LINGO3: variants seen among roughly 807,000 people sequenced by gnomAD.
The protein encoded by LINGO3 is leucine rich repeat and Ig domain containing 3, also known as leucine-rich repeat and immunoglobulin-like domain-containing nogo receptor-interacting protein 3.
For missense variants in LINGO3, 750 were observed against 867.7 expected, an observed-to-expected ratio of 0.86 and a Z score of 1.70; for synonymous variants, 427 against 444.2, an observed-to-expected ratio of 0.96 and a Z score of 0.49.
the LINGO3 span, among the ~76,000 whole-genome samples, chr19:2,297,228 A>G: frequency 2.0e-5 from 3 of 151,346 alleles, no homozygotes; most frequent in Admixed American, 6.6e-5. Flanking sequence ...ATACTGCAAA[A>G]GCTCTTTCCT....
At chr19:2,289,961 C>G in exon 1 of LINGO3, 1 of 1,451,532 alleles carries the variant, frequency 6.9e-7, no homozygotes, top group Non-Finnish European at 9.2e-7. Context: ...GGCCGGCCCG[C>G]GGGGGAGGGG....
rs2025516549 is a variant in LINGO3, at chr19:2,291,195, C to T, written c.582G>A (p.Leu194=). The T allele has an allele frequency of 1.9e-6, 3 of 1,609,180 alleles. No homozygotes were observed. The South Asian group carries it at 3.3e-5, about 18-fold the overall frequency. The change falls in exon 1 of 1, where the codon CTG becomes CTA. Residue 194 remains leucine (L), a synonymous_variant. Coordinates refer to ENST00000585527, the Ensembl canonical transcript of LINGO3. ...GGGCGCCCAGGCTGCGCAGATGGCC[C>T]AGCGACTCCCCGGACAGAGCCGTGA...
At chr19:2,303,210 T>C in the LINGO3 span, among the ~76,000 whole-genome samples, 1 of 152,196 alleles carries the variant, frequency 6.6e-6, no homozygotes, top group East Asian at 1.9e-4. Flanking sequence ...CTCGCATCAA[T>C]GCAATCGGAC....
chr19:2,296,440 G>A (rs892663301), upstream of LINGO3, among the ~76,000 whole-genome samples: 7 of 152,024 alleles, frequency 4.6e-5, no homozygotes, highest in African/African-American at 1.2e-4. Flanking sequence ...AGATCGCGCC[G>A]CTGCACTCTA....
chr19:2,304,989 G>A, the LINGO3 span, among the ~76,000 whole-genome samples: 5 of 152,044 alleles, frequency 3.3e-5, no homozygotes, highest in Admixed American at 2.0e-4. Context: ...GACTACAAGC[G>A]TGAGCCACCA....
upstream of LINGO3, among the ~76,000 whole-genome samples, chr19:2,294,057 A>G (rs546726711): frequency 6.6e-6 from 1 of 152,232 alleles, no homozygotes; most frequent in African/African-American, 2.4e-5. This position sits in a 1 kb window ranked among gnomAD's most constrained non-coding sequence, Gnocchi z 4.3. Flanking sequence ...CTCAAGGGAA[A>G]AAAAAAGGTA....
At chr19:2,291,232 T>G in exon 1 of LINGO3, 1 of 1,611,526 alleles carries the variant, frequency 6.2e-7, no homozygotes, top group Non-Finnish European at 8.5e-7. Context: ...GTTGCAGCGC[T>G]CCAGGGTCAG....
chr19:2,291,732 C>T, exon 1 of LINGO3: 3 of 1,348,070 alleles, frequency 2.2e-6, no homozygotes, highest in Non-Finnish European at 2.8e-6. Context: ...GCGCCGCGGG[C>T]AGCAGGAGCA....
upstream of LINGO3, among the ~76,000 whole-genome samples, chr19:2,296,239 C>G (rs117758606): frequency 8.2e-3 from 1,250 of 152,294 alleles, 15 homozygotes; most frequent in East Asian, 0.059. Flanking sequence ...GCACCTCCCC[C>G]CTTACTGTCC....
chr19:2,290,324 C>A lies in LINGO3; in HGVS notation c.1453G>T (p.Ala485Ser). The change falls in exon 1 of 1, where the codon GCG (alanine) becomes TCG (serine). Residue 485 changes from alanine (A) to serine (S), a missense_variant. Ala to Ser is a moderately conservative substitution (Grantham distance 99). Coordinates refer to ENST00000585527, the Ensembl canonical transcript of LINGO3. This position sits in a 1 kb window ranked among gnomAD's most constrained non-coding sequence, Gnocchi z 6.0. ...GCGAAGTAGGTGTCGTTGCCGCCCG[C>A]GTTGCTGGCCACGCACGTGTAGGTG... 1 of 1,554,266 alleles carries A rather than the reference C, an allele frequency of 6.4e-7. No individual in the cohort carries two copies. Among genetic ancestry groups the A allele is most frequent in the Non-Finnish European group, 8.6e-7 (1 of 1,156,904 alleles).
chr19:2,301,637 C>T, the LINGO3 span, among the ~76,000 whole-genome samples: 24 of 152,142 alleles, frequency 1.6e-4, no homozygotes, highest in South Asian at 1.7e-3. Flanking sequence ...AGGTACAAGA[C>T]GCGACCCCGG....
exon 1 of LINGO3, chr19:2,291,778 G>T: frequency 7.1e-7 from 1 of 1,413,432 alleles, no homozygotes; most frequent in Non-Finnish European, 9.2e-7. Flanking sequence ...GCAGGTCATG[G>T]TGCGGAGCGT....
At chr19:2,287,462 G>A (rs147922011), downstream of LINGO3, among the ~76,000 whole-genome samples, 655 of 152,306 alleles carry the variant, frequency 4.3e-3, 5 homozygotes, top group African/African-American at 0.015. The surrounding 1 kb of genome is among the most constrained non-coding windows in gnomAD (Gnocchi z 4.5). Context: ...CAGGGGTGGC[G>A]GTTGGGGTTG....
At chr19:2,299,723 CTTTTTTT>C in the LINGO3 span, among the ~76,000 whole-genome samples, 3 of 81,632 alleles carry the variant, frequency 3.7e-5, no homozygotes, top group African/African-American at 5.0e-5. Context: ...TGTGCCCTGC[CTTTTTTT>C]TTTTTTTTTT....
At chr19:2,291,173 C>G (rs1179896308) in exon 1 of LINGO3, 2 of 1,607,458 alleles carry the variant, frequency 1.2e-6, no homozygotes, top group Non-Finnish European at 1.7e-6. Context: ...AGCCGCAGGG[C>G]GCCCAGGCTG....
chr19:2,298,988 C>T, the LINGO3 span, among the ~76,000 whole-genome samples: 44 of 152,154 alleles, frequency 2.9e-4, no homozygotes, highest in Admixed American at 2.7e-3. Context: ...AATTCGGATG[C>T]GCTGTGTGAC....
the LINGO3 span, among the ~76,000 whole-genome samples, chr19:2,306,917 G>T: frequency 5.9e-5 from 9 of 152,070 alleles, no homozygotes; most frequent in African/African-American, 1.4e-4. Context: ...AGGCCATGCC[G>T]CGGCAGCCCA....
Position 2,290,478 on chromosome 19 carries a change from G to T in LINGO3, c.1299C>A (p.Gly433=). Residue 433 remains glycine, a synonymous_variant, in exon 1 of 1, where the codon GGC becomes GGA. Transcript: ENST00000585527. The surrounding 1 kb of genome is among the most constrained non-coding windows in gnomAD (Gnocchi z 6.0). ...CCCAGGCCACGGTGGGCGCCGGCTC[G>T]CCCTCGGCGCGGCAGAGGAAGCGGA... The T allele has an allele frequency of 6.8e-7, 1 of 1,465,422 alleles. No individual in the cohort carries two copies. Among genetic ancestry groups the T allele is most frequent in the Non-Finnish European group, 9.0e-7 (1 of 1,114,666 alleles). The allele number at this position is 1,465,422 out of a possible 1,614,324, so 90.8% of individuals were successfully genotyped here. A position where few individuals can be genotyped will look rare whatever the true frequency, so the allele number is the denominator to read the frequency against.
rs2025509610 is a variant in LINGO3 at position 2,290,669 on chromosome 19, G to A, written c.1108C>T (p.Leu370Phe). 1.2e-6 allele frequency: 2 copies of A among 1,607,618 alleles called. No homozygotes were observed. The highest frequency in any genetic ancestry group is 1.7e-6 in the Non-Finnish European group (2 of 1,178,044). The change falls in exon 1 of 1, where the codon CTC becomes TTC. Residue 370 changes from leucine to phenylalanine, a missense_variant. Leu to Phe is a conservative substitution (Grantham distance 22). Transcript: ENST00000585527. The surrounding 1 kb of genome is among the most constrained non-coding windows in gnomAD (Gnocchi z 6.0). ...GCCGGCAGCCGCCCGTCGAAGTTGA[G>A]GGTCTTGCGACGCTGCACGATCCAC... is the stretch of plus-strand genomic sequence containing the variant.
Sources: gnomAD v4.1 joint callset for allele counts (sites outside exome capture counted in the v4.1 genomes callset) on GRCh38, gnomAD v4.1.1 for gene constraint, Gnocchi (gnomAD v3.1) non-coding constraint, MANE v1.5 for transcripts, NCBI Gene and HGNC (gene_info 2026-07-23, HGNC 2026-07-21) for gene names.